The following CEP57 variants were observed in gnomAD, a reference collection of about 807,000 sequenced individuals.
CEP57 encodes centrosomal protein 57.
CEP57 carries 40 observed loss-of-function variants against 68.0 expected under a neutral mutation model. That is an observed-to-expected ratio of 0.59 (90% CI 0.46 to 0.77). The LOEUF (loss-of-function observed/expected upper bound fraction) is 0.77, where lower values mean the gene tolerates loss of function less well. CEP57 is among the 30% of genes least tolerant of loss of function. The pLI, the probability that CEP57 is intolerant of heterozygous loss-of-function variation, is 0.00. For synonymous variants in CEP57, 219 were observed against 198.7 expected, an observed-to-expected ratio of 1.10 and a Z score of -0.86; for missense variants, 606 against 580.7, an observed-to-expected ratio of 1.04 and a Z score of -0.45.
chr11:95,793,228 A>C (rs1271535110), intron 1 of CEP57, among the ~76,000 whole-genome samples: 1 of 152,226 alleles, frequency 6.6e-6, no homozygotes, highest in East Asian at 1.9e-4. Context: ...TCTGGAATTG[A>C]TAAACTTCGA....
Position 95,831,165 on chromosome 11 carries a change from G to C in CEP57, c.1412G>C (p.Gly471Ala). The C allele has an allele frequency of 6.2e-7, 1 of 1,613,182 alleles. No individual in the cohort carries two copies. The highest frequency in any genetic ancestry group is 1.1e-5 in the South Asian group (1 of 90,978). ...AAAGATTTTATGAAACTGAGACCTGGAGAAAAAAGGAGAAAAAATCTTCAG... is the reference window on the plus strand; with the variant it reads ...AAAGATTTTATGAAACTGAGACCTGCAGAAAAAAGGAGAAAAAATCTTCAG... ...NKKDFMKLRP[G>A]EKRRKNLQLL... Residue 471 changes from glycine (G) to alanine (A), a missense_variant, in exon 11 of 11, where the codon GGA (glycine) becomes GCA (alanine). Transcript: ENST00000325542.
rs1400701790 is a variant in CEP57 at position 95,799,297 on chromosome 11, A to G, written c.111A>G (p.Val37=). ...TTCGGCATTCTTCATCTCCATATGT[A>G]GTATATCCTTCGGATAAGCCTTTCC... The part of the protein sequence containing the change: ...SMVRHSSSPY[V]VYPSDKPFLN... The change falls in exon 2 of 11, where the codon GTA becomes GTG. Residue 37 remains valine, a synonymous_variant. Transcript: ENST00000325542. The G allele has an allele frequency of 1.9e-6, 3 of 1,613,918 alleles. No individual in the cohort carries two copies. The highest frequency in any genetic ancestry group is 2.7e-5 in the African/African-American group (2 of 74,930).
chr11:95,824,076 A>G (rs1438590281), intron 8 of CEP57, among the ~76,000 whole-genome samples: 1 of 138,710 alleles, frequency 7.2e-6, no homozygotes, highest in Non-Finnish European at 1.6e-5. Context: ...CCTATTGTAA[A>G]AAAAAAAAAA....
intron 1 of CEP57, among the ~76,000 whole-genome samples, chr11:95,791,432 C>G (rs148752616): frequency 6.6e-6 from 1 of 152,104 alleles, no homozygotes; most frequent in African/African-American, 2.4e-5. Context: ...ATTGGAGTGT[C>G]GAATGCTTAG....
intron 4 of CEP57, 88 bp downstream of exon 4, chr11:95,813,677 T>A: frequency 1.3e-6 from 2 of 1,511,244 alleles, no homozygotes; most frequent in East Asian, 2.3e-5. Context: ...CGGTGAGGAT[T>A]AATGGTGCTG....
chr11:95,828,289 T>C (rs1449812920), intron 9 of CEP57, among the ~76,000 whole-genome samples: 5 of 152,236 alleles, frequency 3.3e-5, no homozygotes, highest in African/African-American at 1.2e-4. Flanking sequence ...TATACAGTCA[T>C]GCATCACTGA....
rs1015894335 is a variant in CEP57 at position 95,828,080 on chromosome 11, T to G, written c.1127+53T>G. 8 of 1,556,968 alleles carry G rather than the reference T, an allele frequency of 5.1e-6. No individual in the cohort carries two copies. The African/African-American group carries it at 6.9e-5, about 13-fold the overall frequency. On this transcript the variant is annotated intron_variant, in intron 9 of 10. Coordinates refer to ENST00000325542, the MANE Select transcript of CEP57 (RefSeq NM_014679.5). Reference sequence around the variant, plus strand: ...CAGTTTAGCTCTAAAACCTCATTTTTTAAAAACTTGTTGACTTTATTAAAT... The same window carrying G: ...CAGTTTAGCTCTAAAACCTCATTTTGTAAAAACTTGTTGACTTTATTAAAT...
At chr11:95,809,613 AT>A (rs1861961627) in intron 2 of CEP57, among the ~76,000 whole-genome samples, 1 of 152,230 alleles carries the variant, frequency 6.6e-6, no homozygotes, top group African/African-American at 2.4e-5. Flanking sequence ...AAATGGGTAA[AT>A]TACTGGACAC....
intron 8 of CEP57, 158 bp downstream of exon 8, chr11:95,822,734 T>G (rs1002672304): frequency 7.1e-6 from 4 of 563,050 alleles, no homozygotes; most frequent in African/African-American, 3.8e-5. Flanking sequence ...GGGAGGTTTT[T>G]GGGGATTAGG....
intron 2 of CEP57, among the ~76,000 whole-genome samples, chr11:95,810,821 T>G (rs1862028342): frequency 6.6e-6 from 1 of 152,200 alleles, no homozygotes; most frequent in Non-Finnish European, 1.5e-5. Flanking sequence ...TACCACTGAC[T>G]TTCGTCACAG....
chr11:95,820,829 C>T (rs923079219), intron 6 of CEP57, among the ~76,000 whole-genome samples: 3 of 152,048 alleles, frequency 2.0e-5, no homozygotes, highest in African/African-American at 7.2e-5. Flanking sequence ...TGTGTCTAGT[C>T]AATTTACTAT....
intron 1 of CEP57, among the ~76,000 whole-genome samples, chr11:95,794,569 A>C (rs936102583): frequency 2.7e-5 from 4 of 149,964 alleles, no homozygotes; most frequent in African/African-American, 9.8e-5. Flanking sequence ...AACCTTTACT[A>C]GTGTGTGTGT....
At chr11:95,790,384 C>G (rs917400785), upstream of CEP57, 3 of 478,536 alleles carry the variant, frequency 6.3e-6, no homozygotes, top group South Asian at 5.2e-5. Context: ...CCCAGCGGGC[C>G]CCGTTACGCG....
chr11:95,790,159 G>A (rs1860939994), upstream of CEP57: 1 of 171,516 alleles, frequency 5.8e-6, no homozygotes, highest in Non-Finnish European at 1.3e-5. Flanking sequence ...ACTTCACCTG[G>A]AGAGGCGTCC....
chr11:95,802,126 A>G (rs1028794649), intron 2 of CEP57, among the ~76,000 whole-genome samples: 18 of 152,322 alleles, frequency 1.2e-4, no homozygotes, highest in African/African-American at 3.8e-4. Flanking sequence ...GGGAGGTTAA[A>G]GGAGAGGAAA....
chr11:95,819,142 T>C (rs1236752713), intron 6 of CEP57, among the ~76,000 whole-genome samples: 1 of 152,168 alleles, frequency 6.6e-6, no homozygotes. Context: ...TTTTAAAAAA[T>C]AACAGACTAA....
At chr11:95,817,749 T>G in intron 4 of CEP57, 38 bp from the exon 5 acceptor site, 1 of 1,375,368 alleles carries the variant, frequency 7.3e-7, no homozygotes, top group East Asian at 2.3e-5. Flanking sequence ...CTTTTTTGAT[T>G]GTCAAATTAT....
At chr11:95,792,622 G>A (rs1861140813) in intron 1 of CEP57, among the ~76,000 whole-genome samples, 1 of 152,222 alleles carries the variant, frequency 6.6e-6, no homozygotes, top group African/African-American at 2.4e-5. Context: ...CATTAGGAAA[G>A]CATATTTTTT....
At chr11:95,806,781 A>T (rs1032171693) in intron 2 of CEP57, among the ~76,000 whole-genome samples, 5 of 152,220 alleles carry the variant, frequency 3.3e-5, no homozygotes, top group African/African-American at 1.2e-4. Context: ...TCTGTAGACT[A>T]ACCTCTCCGG....
Sources: gnomAD v4.1 joint callset for allele counts (sites outside exome capture counted in the v4.1 genomes callset) on GRCh38, gnomAD v4.1.1 for gene constraint, MANE v1.5 for transcripts, NCBI Gene and HGNC (gene_info 2026-07-23, HGNC 2026-07-21) for gene names.